USHBP1: variants seen among roughly 807,000 people sequenced by gnomAD.
USHBP1 encodes the protein USH1 protein network component harmonin binding protein 1, also known as harmonin-binding protein USHBP1.
A neutral mutation model predicts 76.2 loss-of-function variants in USHBP1; 67 were observed. The observed-to-expected ratio is 0.88, with a 90% CI of 0.72 to 1.08. The LOEUF (loss-of-function observed/expected upper bound fraction) is 1.08. Among genes scored for constraint, USHBP1 ranks in the 50% least tolerant of loss-of-function variants. The pLI is 0.00. For synonymous variants in USHBP1, 322 were observed against 362.2 expected (o/e 0.89, Z 1.26); for missense variants, 931 against 915.0 (o/e 1.02, Z -0.23).
intron 12 of USHBP1, among the ~76,000 whole-genome samples, chr19:17,250,631 A>G (rs2073539224): frequency 6.7e-6 from 1 of 148,990 alleles, no homozygotes; most frequent in Non-Finnish European, 1.5e-5. Context: ...CCTCACTACA[A>G]CCTCTGCCTC....
At chr19:17,257,331 G>A (rs1436467097) in intron 8 of USHBP1, among the ~76,000 whole-genome samples, 5 of 144,340 alleles carry the variant, frequency 3.5e-5, no homozygotes, top group South Asian at 2.4e-4. Flanking sequence ...GCGCCTGGCC[G>A]AGAATCCGTC....
At chr19:17,254,386 T>C (rs2073592757) in intron 10 of USHBP1, among the ~76,000 whole-genome samples, 1 of 151,592 alleles carries the variant, frequency 6.6e-6, no homozygotes. Context: ...CCGGGTGCAG[T>C]GGCTCAAGCC....
intron 9 of USHBP1, among the ~76,000 whole-genome samples, chr19:17,255,998 G>A (rs1174797831): frequency 1.8e-5 from 2 of 108,712 alleles, no homozygotes; most frequent in Non-Finnish European, 3.6e-5. Context: ...GCAAGACTCC[G>A]TCTCAAAAAA....
chr19:17,254,244 G>A (rs568132252), intron 10 of USHBP1, among the ~76,000 whole-genome samples: 1 of 151,862 alleles, frequency 6.6e-6, no homozygotes, highest in African/African-American at 2.4e-5. Context: ...CTACTCGGCA[G>A]GCGGAGGCAG....
chr19:17,261,076 C>G (rs1156621543), intron 4 of USHBP1, among the ~76,000 whole-genome samples: 1 of 152,084 alleles, frequency 6.6e-6, no homozygotes, highest in African/African-American at 2.4e-5. Flanking sequence ...CGAGCATGCC[C>G]CTCCTCTGCT....
intron 10 of USHBP1, among the ~76,000 whole-genome samples, chr19:17,254,252 C>A (rs2145581446): frequency 6.6e-6 from 1 of 151,676 alleles, no homozygotes; most frequent in East Asian, 1.9e-4. Flanking sequence ...CAGGCGGAGG[C>A]AGGAGAATGG....
chr19:17,250,820 C>T (rs2073541512), intron 12 of USHBP1, among the ~76,000 whole-genome samples: 1 of 152,104 alleles, frequency 6.6e-6, no homozygotes, highest in Non-Finnish European at 1.5e-5. Context: ...TCCCAAAGTG[C>T]TGGGATTACA....
Position 17,263,474 on chromosome 19 carries a change from C to A in USHBP1, c.204-484G>T, listed in dbSNP as rs73931063. 1,034 of 160,156 alleles carry A rather than the reference C, an allele frequency of 6.5e-3. 14 individuals are homozygous for A. Among genetic ancestry groups the A allele is most frequent in the African/African-American group, 0.023 (959 of 41,584 alleles). The allele number at this position is 160,156 out of a possible 1,614,324, so 9.9% of individuals were successfully genotyped here. A position where few individuals can be genotyped will look rare whatever the true frequency, so the allele number is the denominator to read the frequency against. On this transcript the variant is annotated intron_variant, in intron 3 of 12. Transcript: ENST00000252597. ...GGAGGCTGTGAATTCAAGGAAGAGG[C>A]TAGATAGAGGTGGTGAAGAAGTTGG...
chr19:17,255,524 C>G lies in USHBP1; in HGVS notation c.1553G>C (p.Arg518Pro). ...GAGCACGTGAGCTGGACCCAGGGCT[C>G]GGAGGGCAGCCTCCCGCAGCTCTAG... ...RGLELREAAL[R>P]ALGPAHVLLL... is the part of the protein sequence containing the mutation. The change falls in exon 10 of 13, where the codon CGA becomes CCA. Residue 518 changes from arginine to proline, a missense_variant. Physicochemically the swap from Arg to Pro is moderately radical, Grantham distance 103 (BLOSUM62 -2). Transcript: ENST00000252597. 2 of 1,613,780 alleles carry G rather than the reference C, an allele frequency of 1.2e-6. No individual in the cohort carries two copies. Among genetic ancestry groups the G allele is most frequent in the Non-Finnish European group, 8.5e-7 (1 of 1,179,862 alleles).
chr19:17,255,379 G>C lies in USHBP1; in HGVS notation c.1692+6C>G. On this transcript the variant is annotated splice_donor_region_variant and intron_variant, in intron 10 of 12. Coordinates refer to ENST00000252597, the MANE Select transcript of USHBP1 (RefSeq NM_031941.4). ...TCCCCTACCAGGTTCAGGCAGGGCA[G>C]CTCACCTGATACCACTCTTCCTCGT... is the stretch of plus-strand genomic sequence containing the variant. The C allele has an allele frequency of 6.2e-7, 1 of 1,612,632 alleles. No homozygotes were observed. The highest frequency in any genetic ancestry group is 8.5e-7 in the Non-Finnish European group (1 of 1,179,072).
At chr19:17,256,206 A>T (rs756081610) in intron 9 of USHBP1, among the ~76,000 whole-genome samples, 4 of 152,100 alleles carry the variant, frequency 2.6e-5, no homozygotes, top group African/African-American at 9.7e-5. Context: ...TTTCATGCCA[A>T]GCTACAAACC....
rs2073660901 is a variant in USHBP1, at chr19:17,259,435, C to T, written c.906-6G>A. 6.2e-7 allele frequency: 1 copy of T among 1,613,976 alleles called. No individual in the cohort carries two copies. The highest frequency in any genetic ancestry group is 1.1e-5 in the South Asian group (1 of 91,054). ...ATTTGAGCTTCTCAATGCTCCTGTT[C>T]CCGAAGGTGGGGAAGAGGGAAAGTC... On this transcript the variant is annotated splice_region_variant and splice_polypyrimidine_tract_variant and intron_variant, in intron 6 of 12. Coordinates refer to ENST00000252597, the MANE Select transcript of USHBP1 (RefSeq NM_031941.4).
At position 17,259,752 on chromosome 19, in the gene USHBP1, T is replaced by C. The variant is rs2073665640; in HGVS notation, c.769-20A>G. 6.3e-7 allele frequency: 1 copy of C among 1,599,528 alleles called. No homozygotes were observed. Among genetic ancestry groups the C allele is most frequent in the Non-Finnish European group, 8.5e-7 (1 of 1,172,826 alleles). Reference sequence around the variant, plus strand: ...GGAGTCCTGCCAAGAAGAAGTGATATAACTGACCCCAATTGTCACCAAGAG... The same window carrying C: ...GGAGTCCTGCCAAGAAGAAGTGATACAACTGACCCCAATTGTCACCAAGAG... On this transcript the variant is annotated intron_variant, in intron 5 of 12. Coordinates refer to ENST00000252597, the MANE Select transcript of USHBP1 (RefSeq NM_031941.4).
Position 17,252,554 on chromosome 19 carries a change from C to T in USHBP1, c.1693-537G>A, listed in dbSNP as rs2073566048. Reference sequence around the variant, plus strand: ...CCAGCCTGGTCAACATGGTGAAACCCTGTCTCTACTAAAAATATAAAAATT... The same window carrying T: ...CCAGCCTGGTCAACATGGTGAAACCTTGTCTCTACTAAAAATATAAAAATT... On this transcript the variant is annotated intron_variant, in intron 10 of 12. Coordinates refer to ENST00000252597, the MANE Select transcript of USHBP1 (RefSeq NM_031941.4). 2.6e-5 allele frequency among the ~76,000 whole-genome samples: 4 copies of T among 152,028 alleles called. 1 individual carries two copies. In the South Asian group the frequency reaches 8.3e-4, roughly 32 times the overall value.
At chr19:17,259,197 G>T in intron 7 of USHBP1, 92 bp downstream of exon 7, 1 of 1,486,786 alleles carries the variant, frequency 6.7e-7, no homozygotes, top group Non-Finnish European at 9.0e-7. Context: ...AGTGGGGAAG[G>T]TGCTCTCCAG....
intron 10 of USHBP1, among the ~76,000 whole-genome samples, chr19:17,252,823 G>T (rs1437484475): frequency 1.3e-5 from 2 of 151,500 alleles, no homozygotes; most frequent in Non-Finnish European, 2.9e-5. Flanking sequence ...GGAGGCAGAG[G>T]TTGGAGTAAG....
chr19:17,258,067 G>T, intron 8 of USHBP1, 145 bp downstream of exon 8: 1 of 1,125,460 alleles, frequency 8.9e-7, no homozygotes, highest in Non-Finnish European at 1.3e-6. Flanking sequence ...TGAGCCTCAT[G>T]TCAACCAACT....
At chr19:17,261,301 C>A (rs1320506035) in intron 4 of USHBP1, among the ~76,000 whole-genome samples, 1 of 151,220 alleles carries the variant, frequency 6.6e-6, no homozygotes, top group Non-Finnish European at 1.5e-5. Flanking sequence ...CTCCCACCAC[C>A]CTCAGTTTTC....
chr19:17,263,090 T>G, intron 3 of USHBP1, 100 bp from the exon 4 acceptor site: 2 of 1,297,312 alleles, frequency 1.5e-6, no homozygotes, highest in Non-Finnish European at 1.0e-6. Context: ...CAGCCTGGAG[T>G]GCAGTGGCGC....
Sources: gnomAD v4.1 joint callset for allele counts (sites outside exome capture counted in the v4.1 genomes callset) on GRCh38, gnomAD v4.1.1 for gene constraint, MANE v1.5 for transcripts, NCBI Gene and HGNC (gene_info 2026-07-23, HGNC 2026-07-21) for gene names.